Variants in NT5E observed in about 807,000 individuals in gnomAD.
The protein encoded by NT5E is 5'-nucleotidase ecto.
Under a neutral mutation model 55.1 loss-of-function variants are expected in NT5E, and 53 were observed. That is an observed-to-expected ratio of 0.96 (90% CI 0.77 to 1.21). NT5E has a LOEUF of 1.21. NT5E is among the 50% of genes most tolerant of loss of function. NT5E has a pLI of 0.00. For missense variants in NT5E, 683 were observed against 724.3 expected, an observed-to-expected ratio of 0.94 and a Z score of 0.65; for synonymous variants, 270 against 278.4, an observed-to-expected ratio of 0.97 and a Z score of 0.30.
At chr6:85,464,067 ATTTTTTTTT>A (rs67527174) in intron 1 of NT5E, among the ~76,000 whole-genome samples, 1 of 98,454 alleles carries the variant, frequency 1.0e-5, no homozygotes, top group Non-Finnish European at 1.9e-5. Flanking sequence ...GTAGTTAGGA[ATTTTTTTTT>A]TTTTTTTTTT....
chr6:85,461,939 G>A lies in NT5E; in HGVS notation c.340-5121G>A, dbSNP rs139797737. Among the ~76,000 whole-genome samples the A allele has an allele frequency of 1.5e-3, 229 of 152,252 alleles. 1 individual carries two copies. Among genetic ancestry groups the A allele is most frequent in the African/African-American group, 5.3e-3 (219 of 41,552 alleles). On this transcript the variant is annotated intron_variant, in intron 1 of 8. Transcript: ENST00000257770. ...AGGCCAACCACCAGCAGAGAAGGGCGCTTAGCTCCAGTGACGCTGTGAGTG... is the reference window on the plus strand; with the variant it reads ...AGGCCAACCACCAGCAGAGAAGGGCACTTAGCTCCAGTGACGCTGTGAGTG...
chr6:85,491,729 T>C (rs1769788754), intron 7 of NT5E, among the ~76,000 whole-genome samples: 1 of 152,258 alleles, frequency 6.6e-6, no homozygotes, highest in South Asian at 2.1e-4. Context: ...GTTTTGTCCA[T>C]GTAGAGTCAC....
intron 3 of NT5E, among the ~76,000 whole-genome samples, chr6:85,475,000 G>A (rs1467305330): frequency 6.6e-6 from 1 of 152,150 alleles, no homozygotes; most frequent in Admixed American, 6.5e-5. Context: ...GAGGCATATT[G>A]CCTGTTTAAA....
chr6:85,474,605 T>C (rs1769387889), intron 3 of NT5E, among the ~76,000 whole-genome samples: 1 of 152,194 alleles, frequency 6.6e-6, no homozygotes, highest in Non-Finnish European at 1.5e-5. Flanking sequence ...TCTTCACTTT[T>C]CATACTCATC....
Position 85,450,901 on chromosome 6 carries a change from G to A in NT5E, c.339+423G>A, listed in dbSNP as rs991644675. 6.6e-6 allele frequency among the ~76,000 whole-genome samples: 1 copy of A among 152,200 alleles called. No homozygotes were observed. Among genetic ancestry groups the A allele is most frequent in the African/African-American group, 2.4e-5 (1 of 41,446 alleles). ...TCAATCTTATTGAAAGGGAAACCGC[G>A]TCGAAGAAGCTGAATAAATTAACAG... is the stretch of plus-strand genomic sequence containing the variant. On this transcript the variant is annotated intron_variant, in intron 1 of 8. Transcript: ENST00000257770. This position sits in a 1 kb window ranked among gnomAD's most constrained non-coding sequence, Gnocchi z 4.0.
chr6:85,488,535 G>A (rs1279185570), intron 5 of NT5E, among the ~76,000 whole-genome samples: 1 of 152,098 alleles, frequency 6.6e-6, no homozygotes, highest in Non-Finnish European at 1.5e-5. Flanking sequence ...AAGAGGCTAG[G>A]ACAAAGGAGA....
At chr6:85,486,451 T>G (rs942568391) in intron 4 of NT5E, among the ~76,000 whole-genome samples, 2 of 151,998 alleles carry the variant, frequency 1.3e-5, no homozygotes, top group African/African-American at 4.8e-5. Context: ...GGCGGCAAGA[T>G]GAGCGTGTTT....
rs1769609566 is a variant in NT5E at position 85,484,499 on chromosome 6, T to C, written c.752-736T>C. ...ACATCTCCCCTTTGAGACAGAGGCC[T>C]GCAGAACCTGACCAGTGTGAGGGCT... On this transcript the variant is annotated intron_variant, in intron 3 of 8. Transcript: ENST00000257770. Among the ~76,000 whole-genome samples the C allele has an allele frequency of 2.6e-5, 4 of 152,298 alleles. No homozygotes were observed. The South Asian group carries it at 8.3e-4, about 32-fold the overall frequency.
chr6:85,484,956 G>A lies in NT5E; in HGVS notation c.752-279G>A, dbSNP rs116411172. Among the ~76,000 whole-genome samples the A allele has an allele frequency of 8.1e-3, 1,229 of 152,278 alleles. 10 individuals are homozygous for A. Among genetic ancestry groups the A allele is most frequent in the African/African-American group, 0.027 (1,114 of 41,546 alleles). On this transcript the variant is annotated intron_variant, in intron 3 of 8. Coordinates refer to ENST00000257770, the MANE Select transcript of NT5E (RefSeq NM_002526.4). ...GAACCTGGAGGATACTCTTCACGGCGTTCCATCTTTGTGTGCCCCACAGCA... is the reference window on the plus strand; with the variant it reads ...GAACCTGGAGGATACTCTTCACGGCATTCCATCTTTGTGTGCCCCACAGCA...
At chr6:85,488,263 G>T (rs1334361526) in intron 5 of NT5E, among the ~76,000 whole-genome samples, 1 of 152,154 alleles carries the variant, frequency 6.6e-6, no homozygotes, top group African/African-American at 2.4e-5. Context: ...ACTTCCATGG[G>T]CTCACAGCCT....
At chr6:85,470,814 G>A (rs920893664) in intron 2 of NT5E, among the ~76,000 whole-genome samples, 17 of 152,212 alleles carry the variant, frequency 1.1e-4, no homozygotes, top group African/African-American at 4.1e-4. Flanking sequence ...ACTACTTGCT[G>A]ACAGTTTTAA....
At chr6:85,477,635 A>T (rs571153153) in intron 3 of NT5E, among the ~76,000 whole-genome samples, 1 of 152,334 alleles carries the variant, frequency 6.6e-6, no homozygotes, top group African/African-American at 2.4e-5. Context: ...TACAATCATT[A>T]TTCATCTCTC....
intron 3 of NT5E, among the ~76,000 whole-genome samples, chr6:85,474,015 CA>C (rs1355492504): frequency 1.3e-5 from 2 of 152,196 alleles, no homozygotes; most frequent in Non-Finnish European, 2.9e-5. Context: ...CCCAGCTTCC[CA>C]TTATTTCTGT....
At chr6:85,475,269 A>G (rs956984196) in intron 3 of NT5E, among the ~76,000 whole-genome samples, 11 of 152,196 alleles carry the variant, frequency 7.2e-5, no homozygotes, top group Non-Finnish European at 1.6e-4. Flanking sequence ...GAGTTTTTAA[A>G]TGCTGGTTAC....
At chr6:85,453,470 T>TA (rs1768930982) in intron 1 of NT5E, among the ~76,000 whole-genome samples, 1 of 152,224 alleles carries the variant, frequency 6.6e-6, no homozygotes, top group African/African-American at 2.4e-5. Flanking sequence ...GCCTGCCCTC[T>TA]ACCATCTTAC....
chr6:85,462,545 C>A (rs1419273657), intron 1 of NT5E, among the ~76,000 whole-genome samples: 1 of 152,168 alleles, frequency 6.6e-6, no homozygotes, highest in Non-Finnish European at 1.5e-5. Context: ...ATCAGCTGTA[C>A]CTTGCACACA....
chr6:85,491,680 C>T (rs1317493597), intron 7 of NT5E, among the ~76,000 whole-genome samples: 1 of 152,208 alleles, frequency 6.6e-6, no homozygotes, highest in East Asian at 1.9e-4. Flanking sequence ...ATTTAGTAGA[C>T]CAATTCAGCA....
At chr6:85,486,777 C>T (rs1769674043) in intron 4 of NT5E, among the ~76,000 whole-genome samples, 1 of 152,220 alleles carries the variant, frequency 6.6e-6, no homozygotes. Context: ...CGTCTCCCTA[C>T]ATGAGTCTCA....
Position 85,450,574 on chromosome 6 carries a change from C to T in NT5E, c.339+96C>T, listed in dbSNP as rs376704322. 89 of 1,181,138 alleles carry T rather than the reference C, an allele frequency of 7.5e-5. No individual in the cohort carries two copies. The highest frequency in any genetic ancestry group is 6.4e-4 in the East Asian group (25 of 39,302). The allele number at this position is 1,181,138 out of a possible 1,614,324, so 73.2% of individuals were successfully genotyped here. A position where few individuals can be genotyped will look rare whatever the true frequency, so the allele number is the denominator to read the frequency against. On this transcript the variant is annotated intron_variant, in intron 1 of 8. Transcript: ENST00000257770. This position sits in a 1 kb window ranked among gnomAD's most constrained non-coding sequence, Gnocchi z 4.0. ...ATGGCAGAGTGTGGCAAGCCTAGGTCCAGGGCGCGGAGAGATGTGGGGATA... is the reference window on the plus strand; with the variant it reads ...ATGGCAGAGTGTGGCAAGCCTAGGTTCAGGGCGCGGAGAGATGTGGGGATA...
Sources: gnomAD v4.1 joint callset for allele counts (sites outside exome capture counted in the v4.1 genomes callset) on GRCh38, gnomAD v4.1.1 for gene constraint, Gnocchi (gnomAD v3.1) non-coding constraint, MANE v1.5 for transcripts, NCBI Gene and HGNC (gene_info 2026-07-23, HGNC 2026-07-21) for gene names.